Variants in OR2B2 observed in about 807,000 individuals in gnomAD.
OR2B2 encodes olfactory receptor 2B2.
For missense variants in OR2B2, 362 were observed against 422.4 expected, an observed-to-expected ratio of 0.86 and a Z score of 1.25; for synonymous variants, 137 against 150.9, an observed-to-expected ratio of 0.91 and a Z score of 0.67.
rs865865291 is a variant in OR2B2, at chr6:27,911,542, G to C, written c.778C>G (p.Leu260Val). 4 of 1,614,048 alleles carry C rather than the reference G, an allele frequency of 2.5e-6. No individual in the cohort carries two copies. Among genetic ancestry groups the C allele is most frequent in the Non-Finnish European group, 2.5e-6 (3 of 1,179,986 alleles). Residue 260 changes from leucine to valine, a missense_variant, in exon 1 of 1, where the codon CTG (leucine) becomes GTG (valine). Coordinates refer to ENST00000303324, the MANE Select transcript of OR2B2 (RefSeq NM_033057.2). ...TTGGAGCTGGGTGAAGGTGGTTGCAGGTACATGGAGATAGCTGTACCATAA... is the reference window on the plus strand; with the variant it reads ...TTGGAGCTGGGTGAAGGTGGTTGCACGTACATGGAGATAGCTGTACCATAA... Reference protein sequence around the residue: ...LFYGTAISMYLQPPSPSSKDR... With the variant: ...LFYGTAISMYVQPPSPSSKDR...
At position 27,911,613 on chromosome 6, in the gene OR2B2, TTTCGTTGACCTTCA is replaced by T. The variant is rs1762198463; in HGVS notation, c.693_706del (p.Glu232GlyfsTer57). 6.2e-7 allele frequency: 1 copy of T among 1,614,050 alleles called. No homozygotes were observed. Among genetic ancestry groups the T allele is most frequent in the African/African-American group, 1.3e-5 (1 of 74,920 alleles). On this transcript the variant is annotated frameshift_variant, in exon 1 of 1. Transcript: ENST00000303324. LOFTEE classifies it low-confidence loss of function (END_TRUNC). ...ATGGGAGCCACATGTCCCAAATGCC[TTTCGTTGACCTTCA>T]GCAGACTGGATTCTCAACACTGCTT...
In OR2B2 at chr6:27,911,424, T is replaced by C; in HGVS notation, c.896A>G (p.Glu299Gly). ...CTTTGCAACCAACCTTTTAAAGGCT[T>C]CCTTTACCTCTTTGTTCCTAAGTGT... is the stretch of plus-strand genomic sequence containing the variant. ...IYTLRNKEVK[E>G]AFKRLVAKSL... Residue 299 changes from glutamate to glycine, a missense_variant, in exon 1 of 1, where the codon GAA becomes GGA. Coordinates refer to ENST00000303324, the MANE Select transcript of OR2B2 (RefSeq NM_033057.2). 1 of 1,614,114 alleles carries C rather than the reference T, an allele frequency of 6.2e-7. No homozygotes were observed. Among genetic ancestry groups the C allele is most frequent in the South Asian group, 1.1e-5 (1 of 91,042 alleles).
In OR2B2 at chr6:27,911,610, GC is replaced by G; in HGVS notation, c.709del (p.Ala237HisfsTer9). ...RIQSAEGQRK[A>X]FGTCGSHLIV... ...TAGATGGGAGCCACATGTCCCAAATGCCTTTCGTTGACCTTCAGCAGACTGG... is the reference window on the plus strand; with the variant it reads ...TAGATGGGAGCCACATGTCCCAAATGCTTTCGTTGACCTTCAGCAGACTGG... On this transcript the variant is annotated frameshift_variant, in exon 1 of 1. Coordinates refer to ENST00000303324, the MANE Select transcript of OR2B2 (RefSeq NM_033057.2). LOFTEE classifies it low-confidence loss of function (END_TRUNC). The G allele has an allele frequency of 6.2e-7, 1 of 1,614,042 alleles. No homozygotes were observed. The highest frequency in any genetic ancestry group is 1.3e-5 in the African/African-American group (1 of 74,912).
In OR2B2 at chr6:27,911,685, G is replaced by T; in HGVS notation, c.635C>A (p.Thr212Lys). Residue 212 changes from threonine to lysine, a missense_variant, in exon 1 of 1, where the codon ACA becomes AAA. Transcript: ENST00000303324. ...AAAAGCATACGATATAAGGATGAGTGTCACGGGTATTAGAAGGAATAGCAC... is the reference window on the plus strand; with the variant it reads ...AAAAGCATACGATATAAGGATGAGTTTCACGGGTATTAGAAGGAATAGCAC... ...ISVLFLLIPV[T>K]LILISYAFIV... The T allele has an allele frequency of 6.2e-7, 1 of 1,613,974 alleles. No homozygotes were observed.
Position 27,912,391 on chromosome 6 carries a change from G to T in OR2B2, c.-72C>A. The T allele has an allele frequency of 1.1e-6, 1 of 882,010 alleles. No homozygotes were observed. The highest frequency in any genetic ancestry group is 1.8e-6 in the Non-Finnish European group (1 of 571,142). 54.6% of individuals were successfully genotyped at this position (882,010 alleles called of 1,614,324 possible). On this transcript the variant is annotated 5_prime_UTR_variant, in exon 1 of 1. Coordinates refer to ENST00000303324, the MANE Select transcript of OR2B2 (RefSeq NM_033057.2). ...AGTTAACAACACACTTCCTGATTTT[G>T]TCAGCTATAATCATTTTGCTATCAA... is the stretch of plus-strand genomic sequence containing the variant.
chr6:27,912,008 G>A lies in OR2B2; in HGVS notation c.312C>T (p.Phe104=). The change falls in exon 1 of 1, where the codon TTC becomes TTT. Residue 104 remains phenylalanine, a synonymous_variant. Coordinates refer to ENST00000303324, the MANE Select transcript of OR2B2 (RefSeq NM_033057.2). Reference sequence around the variant, plus strand: ...GACATTCTGTGGAACCCAAGGCCAGGAAAATGAAAAGCTGGGCCACACAGC... The same window carrying A: ...GACATTCTGTGGAACCCAAGGCCAGAAAAATGAAAAGCTGGGCCACACAGC... The part of the protein sequence containing the change: ...YGGCVAQLFI[F]LALGSTECLL... 1.2e-6 allele frequency: 2 copies of A among 1,614,194 alleles called. No individual in the cohort carries two copies. The highest frequency in any genetic ancestry group is 1.1e-5 in the South Asian group (1 of 91,072).
Position 27,911,555 on chromosome 6 carries a change from A to AG in OR2B2, c.764dup (p.Ile256TyrfsTer38), listed in dbSNP as rs1762196891. ...AAGGTGGTTGCAGGTACATGGAGAT[A>AG]GCTGTACCATAAAAAAGTGACACCA... On this transcript the variant is annotated frameshift_variant, in exon 1 of 1. Transcript: ENST00000303324. LOFTEE classifies it low-confidence loss of function (END_TRUNC). 6.2e-7 allele frequency: 1 copy of AG among 1,613,994 alleles called. No homozygotes were observed. The highest frequency in any genetic ancestry group is 1.1e-5 in the South Asian group (1 of 91,060).
Position 27,911,440 on chromosome 6 carries a change from T to A in OR2B2, c.880A>T (p.Asn294Tyr). The A allele has an allele frequency of 6.2e-7, 1 of 1,614,146 alleles. No homozygotes were observed. The highest frequency in any genetic ancestry group is 8.5e-7 in the Non-Finnish European group (1 of 1,180,024). ...MLNPLIYTLR[N>Y]KEVKEAFKRL... ...TTAAAGGCTTCCTTTACCTCTTTGTTCCTAAGTGTATATATAAGGGGATTC... is the reference window on the plus strand; with the variant it reads ...TTAAAGGCTTCCTTTACCTCTTTGTACCTAAGTGTATATATAAGGGGATTC... The change falls in exon 1 of 1, where the codon AAC becomes TAC. Residue 294 changes from asparagine to tyrosine, a missense_variant. By Grantham distance (143) the Asn-to-Tyr change is moderately radical. Transcript: ENST00000303324.
chr6:27,912,274 C>T lies in OR2B2; in HGVS notation c.46G>A (p.Val16Ile). 1 of 1,612,960 alleles carries T rather than the reference C, an allele frequency of 6.2e-7. No homozygotes were observed. The highest frequency in any genetic ancestry group is 8.5e-7 in the Non-Finnish European group (1 of 1,179,340). ...TCTAGCCATGGTTGATCTGAGAAAA[C>T]TAACAGAATGAACTCCTGTGGGACA... is the stretch of plus-strand genomic sequence containing the variant. ...KSVPQEFILLVFSDQPWLEIP... is the reference protein window; with the variant it reads ...KSVPQEFILLIFSDQPWLEIP... Residue 16 changes from valine (V) to isoleucine (I), a missense_variant, in exon 1 of 1, where the codon GTT (valine) becomes ATT (isoleucine). Val to Ile is a conservative substitution (Grantham distance 29). Coordinates refer to ENST00000303324, the MANE Select transcript of OR2B2 (RefSeq NM_033057.2).
In OR2B2 at chr6:27,911,488, A is replaced by G. The variant is rs754588569; in HGVS notation, c.832T>C (p.Cys278Arg). Residue 278 changes from cysteine (C) to arginine (R), a missense_variant, in exon 1 of 1, where the codon TGT (cysteine) becomes CGT (arginine). Coordinates refer to ENST00000303324, the MANE Select transcript of OR2B2 (RefSeq NM_033057.2). ...TTCAGCATGGGTGCAATGATTCCAC[A>G]GAAGAGAGAAACCATCTTTCCCCGG... ...KDRGKMVSLF[C>R]GIIAPMLNPL... 6.2e-7 allele frequency: 1 copy of G among 1,614,096 alleles called. No homozygotes were observed. The highest frequency in any genetic ancestry group is 2.2e-5 in the East Asian group (1 of 44,898).
At position 27,911,868 on chromosome 6, in the gene OR2B2, C is replaced by T. The variant is rs1444365171; in HGVS notation, c.452G>A (p.Ser151Asn). ...CTGTAATACTGAATTGCTAAAGCCA[C>T]TAATCCAGGATGCAGCTGCCAACTG... ...CFQLAAASWI[S>N]GFSNSVLQST... Residue 151 changes from serine (S) to asparagine (N), a missense_variant, in exon 1 of 1, where the codon AGT becomes AAT. Ser to Asn is a conservative substitution (Grantham distance 46). Transcript: ENST00000303324. 6 of 1,614,058 alleles carry T rather than the reference C, an allele frequency of 3.7e-6. No homozygotes were observed. The highest frequency in any genetic ancestry group is 1.7e-5 in the Admixed American group (1 of 59,994).
In OR2B2 at chr6:27,912,003, G is replaced by A. The variant is rs138555884; in HGVS notation, c.317C>T (p.Ala106Val). The A allele has an allele frequency of 1.9e-5, 30 of 1,614,064 alleles. No homozygotes were observed. Among genetic ancestry groups the A allele is most frequent in the Non-Finnish European group, 2.5e-5 (29 of 1,180,044 alleles). The change falls in exon 1 of 1, where the codon GCC (alanine) becomes GTC (valine). Residue 106 changes from alanine (A) to valine (V), a missense_variant. By Grantham distance (64) the Ala-to-Val change is moderately conservative (BLOSUM62 0). Transcript: ENST00000303324. ...GCVAQLFIFL[A>V]LGSTECLLLA... is the part of the protein sequence containing the mutation. ...GAGAAGACATTCTGTGGAACCCAAG[G>A]CCAGGAAAATGAAAAGCTGGGCCAC... is the stretch of plus-strand genomic sequence containing the variant.
rs1762201409 is a variant in OR2B2 at position 27,911,759 on chromosome 6, C to A, written c.561G>T (p.Leu187Phe). ...CATTTGCTGTTGTGTCAACACAGGA[C>A]AACTTGAGCAGAGCAGGGACTTCAC... ...FFCEVPALLK[L>F]SCVDTTANEA... The change falls in exon 1 of 1, where the codon TTG (leucine) becomes TTT (phenylalanine). Residue 187 changes from leucine (L) to phenylalanine (F), a missense_variant. By Grantham distance (22) the Leu-to-Phe change is conservative. Coordinates refer to ENST00000303324, the MANE Select transcript of OR2B2 (RefSeq NM_033057.2). 6.2e-7 allele frequency: 1 copy of A among 1,613,396 alleles called. No homozygotes were observed. The highest frequency in any genetic ancestry group is 8.5e-7 in the Non-Finnish European group (1 of 1,179,658).
rs750385509 is a variant in OR2B2 at position 27,911,917 on chromosome 6, T to C, written c.403A>G (p.Ile135Val). ...AICRPLHYSI[I>V]MHQRLCFQLA... ...TGGAAGCAGAGCCTCTGGTGCATGA[T>C]AATTGAGTAATGGAGAGGCCGACAA... is the stretch of plus-strand genomic sequence containing the variant. Residue 135 changes from isoleucine (I) to valine (V), a missense_variant, in exon 1 of 1, where the codon ATC (isoleucine) becomes GTC (valine). Physicochemically the swap from Ile to Val is conservative, Grantham distance 29. Coordinates refer to ENST00000303324, the MANE Select transcript of OR2B2 (RefSeq NM_033057.2). The C allele has an allele frequency of 3.1e-6, 5 of 1,614,010 alleles. No individual in the cohort carries two copies. In the Admixed American group the frequency reaches 6.7e-5, roughly 22 times the overall value.
chr6:27,911,892 T>C lies in OR2B2; in HGVS notation c.428A>G (p.Gln143Arg), dbSNP rs1450934469. The change falls in exon 1 of 1, where the codon CAG becomes CGG. Residue 143 changes from glutamine to arginine, a missense_variant. By Grantham distance (43) the Gln-to-Arg change is conservative. Coordinates refer to ENST00000303324, the MANE Select transcript of OR2B2 (RefSeq NM_033057.2). ...SIIMHQRLCF[Q>R]LAAASWISGF... ...ACTAATCCAGGATGCAGCTGCCAAC[T>C]GGAAGCAGAGCCTCTGGTGCATGAT... The C allele has an allele frequency of 6.2e-7, 1 of 1,614,008 alleles. No individual in the cohort carries two copies.
Position 27,911,754 on chromosome 6 carries a change from CA to C in OR2B2, c.565del (p.Cys189ValfsTer20). 6.2e-7 allele frequency: 1 copy of C among 1,613,464 alleles called. No individual in the cohort carries two copies. ...CEVPALLKLS[C>X]VDTTANEAEL... is the part of the protein sequence containing the mutation. ...AGCCTCATTTGCTGTTGTGTCAACA[CA>C]GGACAACTTGAGCAGAGCAGGGACT... is the stretch of plus-strand genomic sequence containing the variant. On this transcript the variant is annotated frameshift_variant, in exon 1 of 1. Coordinates refer to ENST00000303324, the MANE Select transcript of OR2B2 (RefSeq NM_033057.2). LOFTEE classifies it low-confidence loss of function (END_TRUNC).
chr6:27,911,343 G>A lies in OR2B2; in HGVS notation c.977C>T (p.Thr326Ile). Residue 326 changes from threonine (T) to isoleucine (I), a missense_variant, in exon 1 of 1, where the codon ACA becomes ATA. Thr to Ile is a moderately conservative substitution (Grantham distance 89, BLOSUM62 -1). Transcript: ENST00000303324. ...GAAGTTAGTAAGGTAAGTAAGCACT[G>A]TGTCTTTAGCAAAGCTTATCATTTG... is the stretch of plus-strand genomic sequence containing the variant. The part of the protein sequence containing the change: ...NMQMISFAKD[T>I]VLTYLTNFSA... The A allele has an allele frequency of 6.2e-7, 1 of 1,613,860 alleles. No individual in the cohort carries two copies. Among genetic ancestry groups the A allele is most frequent in the Non-Finnish European group, 8.5e-7 (1 of 1,179,848 alleles).
At position 27,912,204 on chromosome 6, in the gene OR2B2, A is replaced by G. The variant is rs61742093; in HGVS notation, c.116T>C (p.Ile39Thr). Reference sequence around the variant, plus strand: ...AAGAATTATTGTCAGATTGCCAAAGATTGTCAAGATATAGGAAAACAGAAA... The same window carrying G: ...AAGAATTATTGTCAGATTGCCAAAGGTTGTCAAGATATAGGAAAACAGAAA... The part of the protein sequence containing the change: ...VMFLFSYILT[I>T]FGNLTIILVS... The change falls in exon 1 of 1, where the codon ATC becomes ACC. Residue 39 changes from isoleucine to threonine, a missense_variant. Physicochemically the swap from Ile to Thr is moderately conservative, Grantham distance 89. Coordinates refer to ENST00000303324, the MANE Select transcript of OR2B2 (RefSeq NM_033057.2). 0.083 allele frequency: 133,970 copies of G among 1,614,124 alleles called. 7,111 individuals carry two copies. The highest frequency in any genetic ancestry group is 0.1 in the Non-Finnish European group (122,980 of 1,179,978).
chr6:27,911,264 A>C lies in OR2B2; in HGVS notation c.1056T>G (p.Pro352=), dbSNP rs1762190237. 1.9e-6 allele frequency: 3 copies of C among 1,557,066 alleles called. No homozygotes were observed. The highest frequency in any genetic ancestry group is 1.4e-5 in the African/African-American group (1 of 72,210). Residue 352 remains proline, a synonymous_variant, in exon 1 of 1, where the codon CCT becomes CCG. Coordinates refer to ENST00000303324, the MANE Select transcript of OR2B2 (RefSeq NM_033057.2). ...VITIENYCNL[P]QRKFP is the part of the protein sequence containing the mutation. ...CTTTTTGTCAAGGAAATTTTCTTTGAGGGAGATTACAATAGTTTTCTATAG... is the reference window on the plus strand; with the variant it reads ...CTTTTTGTCAAGGAAATTTTCTTTGCGGGAGATTACAATAGTTTTCTATAG...
Sources: gnomAD v4.1 joint callset for allele counts on GRCh38, gnomAD v4.1.1 for gene constraint, MANE v1.5 for transcripts, NCBI Gene and HGNC (gene_info 2026-07-23, HGNC 2026-07-21) for gene names.